The following WDR7 variants were observed in gnomAD, a reference collection of about 807,000 sequenced individuals.
WDR7 encodes WD repeat-containing protein 7.
WDR7 carries 46 observed loss-of-function variants against 169.4 expected under a neutral mutation model. That is an observed-to-expected ratio of 0.27 (90% confidence interval 0.21 to 0.35). The LOEUF (loss-of-function observed/expected upper bound fraction) is 0.35, where lower values mean the gene tolerates loss of function less well. Among genes scored for constraint, WDR7 ranks in the 10% least tolerant of loss-of-function variants. The pLI is 1.00. For synonymous variants in WDR7, 612 were observed against 666.8 expected (o/e 0.92, Z 1.27); for missense variants, 1,534 against 1,859.3 (o/e 0.83, Z 3.22).
At chr18:56,718,948 C>T (rs1174111154) in intron 13 of WDR7, among the ~76,000 whole-genome samples, 6 of 152,126 alleles carry the variant, frequency 3.9e-5, no homozygotes, top group African/African-American at 7.2e-5. Context: ...ATTGTGCGAA[C>T]GGGAGTTCTC....
downstream of WDR7, chr18:57,032,804 TATATATATA>T (rs1568036550): frequency 2.3e-3 from 26 of 11,074 alleles, 1 homozygote; most frequent in East Asian, 0.019. Flanking sequence ...AATTATTTTA[TATATATATA>T]TATATATATA....
intron 17 of WDR7, 57 bp downstream of exon 17, chr18:56,776,937 A>G (rs970532429): frequency 4.1e-6 from 6 of 1,469,878 alleles, no homozygotes; most frequent in African/African-American, 1.4e-5. Flanking sequence ...TCTGACAGAC[A>G]TGTTCTTTTT....
At chr18:56,840,188 A>AG (rs2063446055) in intron 20 of WDR7, among the ~76,000 whole-genome samples, 1 of 152,146 alleles carries the variant, frequency 6.6e-6, no homozygotes, top group Non-Finnish European at 1.5e-5. Flanking sequence ...CCCTAAGACA[A>AG]GGGGGAAAGG....
At chr18:56,826,478 A>G (rs905700098) in intron 20 of WDR7, among the ~76,000 whole-genome samples, 1 of 152,164 alleles carries the variant, frequency 6.6e-6, no homozygotes, top group South Asian at 2.1e-4. Flanking sequence ...GACTTTCCCC[A>G]TGATTTCTTG....
At chr18:56,808,401 A>G (rs12326231) in intron 19 of WDR7, among the ~76,000 whole-genome samples, 20,095 of 152,108 alleles carry the variant, frequency 0.13, 2,054 homozygotes, top group African/African-American at 0.29. Flanking sequence ...TTTTGGATCT[A>G]TTTTTCAATC....
chr18:56,904,719 CTA>C (rs1012314169), intron 21 of WDR7, among the ~76,000 whole-genome samples: 10 of 152,248 alleles, frequency 6.6e-5, no homozygotes, highest in African/African-American at 2.2e-4. Context: ...TATTAAGTGA[CTA>C]TGTGTAAGCT....
chr18:57,015,064 A>T (rs73446842), intron 26 of WDR7, among the ~76,000 whole-genome samples: 1 of 152,190 alleles, frequency 6.6e-6, no homozygotes, highest in African/African-American at 2.4e-5. Flanking sequence ...ATTGTTAAAC[A>T]CTGAAAAGGG....
At chr18:56,681,190 C>A in intron 3 of WDR7, 123 bp from the exon 4 acceptor site, 1 of 746,646 alleles carries the variant, frequency 1.3e-6, no homozygotes. Context: ...ACAGTAATAA[C>A]TGTATGCTAC....
At chr18:56,760,277 G>C (rs1344612361) in intron 16 of WDR7, among the ~76,000 whole-genome samples, 1 of 152,122 alleles carries the variant, frequency 6.6e-6, no homozygotes, top group Non-Finnish European at 1.5e-5. Flanking sequence ...CATCCTGCTT[G>C]TTCCTTCCCA....
rs1439561724 is a variant in WDR7, at chr18:56,754,029, A to G, written c.1990-2554A>G. Reference sequence around the variant, plus strand: ...AGAAATATATAGCAATACAAACAAAATGTTCTATAATTCCATCACAAGATT... The same window carrying G: ...AGAAATATATAGCAATACAAACAAAGTGTTCTATAATTCCATCACAAGATT... On this transcript the variant is annotated intron_variant, in intron 14 of 27. Transcript: ENST00000254442. Among the ~76,000 whole-genome samples the G allele has an allele frequency of 2.6e-5, 4 of 152,032 alleles. No individual in the cohort carries two copies. The East Asian group carries it at 5.8e-4, about 22-fold the overall frequency.
At chr18:56,728,438 ATT>A (rs1489745011) in intron 13 of WDR7, among the ~76,000 whole-genome samples, 1 of 151,970 alleles carries the variant, frequency 6.6e-6, no homozygotes, top group Non-Finnish European at 1.5e-5. Context: ...TTCTTTCAGC[ATT>A]GTCTTGCTTT....
chr18:56,953,465 A>C (rs1029495810), intron 25 of WDR7, among the ~76,000 whole-genome samples: 1 of 152,276 alleles, frequency 6.6e-6, no homozygotes, highest in Non-Finnish European at 1.5e-5. Context: ...AACTTGTTCA[A>C]TTTAACAAAG....
intron 26 of WDR7, among the ~76,000 whole-genome samples, chr18:56,987,513 T>C (rs778456230): frequency 6.6e-6 from 1 of 152,254 alleles, no homozygotes; most frequent in African/African-American, 2.4e-5. Context: ...ATAAAGATAA[T>C]TGATGTTTCA....
chr18:56,792,098 A>T (rs1002941184), intron 19 of WDR7, among the ~76,000 whole-genome samples: 4 of 152,058 alleles, frequency 2.6e-5, no homozygotes, highest in Non-Finnish European at 4.4e-5. Context: ...GCTGACTGCA[A>T]CCTCAACCTC....
At chr18:56,818,701 A>T (rs994354012) in intron 20 of WDR7, among the ~76,000 whole-genome samples, 10 of 152,192 alleles carry the variant, frequency 6.6e-5, no homozygotes, top group African/African-American at 2.4e-4. Flanking sequence ...CATTGACTAG[A>T]ATCCTATATA....
At chr18:56,900,783 G>GC (rs2046391611) in intron 21 of WDR7, among the ~76,000 whole-genome samples, 1 of 152,172 alleles carries the variant, frequency 6.6e-6, no homozygotes, top group African/African-American at 2.4e-5. Flanking sequence ...GCTGGTCCAA[G>GC]CTGGTCTATA....
At chr18:56,902,937 G>A (rs1274036480) in intron 21 of WDR7, among the ~76,000 whole-genome samples, 19 of 152,148 alleles carry the variant, frequency 1.2e-4, no homozygotes, top group Admixed American at 1.2e-3. Flanking sequence ...AGGAATGTGT[G>A]AATTTTTGCA....
intron 21 of WDR7, among the ~76,000 whole-genome samples, chr18:56,892,438 T>C (rs137909766): frequency 6.6e-6 from 1 of 152,264 alleles, no homozygotes; most frequent in East Asian, 1.9e-4. Flanking sequence ...TTCAGCTTCA[T>C]ATACTTGTGT....
chr18:56,715,245 G>A (rs1407754664), intron 12 of WDR7, among the ~76,000 whole-genome samples: 3 of 152,164 alleles, frequency 2.0e-5, no homozygotes, highest in African/African-American at 4.8e-5. Flanking sequence ...GAGAGTATGC[G>A]TAGCTCAGTG....
Sources: gnomAD v4.1 joint callset for allele counts (sites outside exome capture counted in the v4.1 genomes callset) on GRCh38, gnomAD v4.1.1 for gene constraint, MANE v1.5 for transcripts, NCBI Gene and HGNC (gene_info 2026-07-23, HGNC 2026-07-21) for gene names.